IL1RAPL2: variants seen among roughly 807,000 people sequenced by gnomAD.
The protein encoded by IL1RAPL2 is interleukin 1 receptor accessory protein like 2.
Under a neutral mutation model 44.1 loss-of-function variants are expected in IL1RAPL2, and 3 were observed. That is an observed-to-expected ratio of 0.07 (90% CI 0.03 to 0.18). IL1RAPL2 has a LOEUF of 0.18. IL1RAPL2 is among the 10% of genes least tolerant of loss of function. The pLI is 1.00. For missense variants in IL1RAPL2, 391 were observed against 496.4 expected (o/e 0.79, Z 2.02); for synonymous variants, 181 against 178.8 (o/e 1.01, Z -0.10).
intron 2 of IL1RAPL2, among the ~76,000 whole-genome samples, chrX:105,058,107 C>T (rs1226700391): frequency 8.4e-5 from 9 of 106,632 alleles, no homozygotes; most frequent in Non-Finnish European, 1.7e-4. Context: ...TGCCACCACG[C>T]CCGGCTATTT....
intron 6 of IL1RAPL2, among the ~76,000 whole-genome samples, chrX:105,608,806 A>C (rs1415477843): frequency 8.9e-6 from 1 of 112,289 alleles, no homozygotes; most frequent in Non-Finnish European, 1.9e-5. Flanking sequence ...AAATAACTTT[A>C]AAGATAAATA....
At chrX:104,723,736 G>C (rs998710060) in intron 2 of IL1RAPL2, among the ~76,000 whole-genome samples, 2 of 110,761 alleles carry the variant, frequency 1.8e-5, no homozygotes, top group African/African-American at 6.6e-5. Flanking sequence ...CTTACAATTC[G>C]TTTGTGTTTG....
chrX:104,579,575 A>T (rs929065028), intron 1 of IL1RAPL2, among the ~76,000 whole-genome samples: 2 of 111,541 alleles, frequency 1.8e-5, no homozygotes, highest in Non-Finnish European at 3.8e-5. Context: ...GGACACAAAG[A>T]GGCGAGCAAC....
intron 2 of IL1RAPL2, among the ~76,000 whole-genome samples, chrX:104,876,014 G>A (rs1163461224): frequency 9.0e-6 from 1 of 110,801 alleles, no homozygotes; most frequent in East Asian, 2.8e-4. Context: ...ATGGATGGGT[G>A]GTAACAGTGC....
At position 104,708,816 on chromosome X, in the gene IL1RAPL2, G is replaced by A. The variant is rs181273599; in HGVS notation, c.82+49821G>A. 3.6e-3 allele frequency among the ~76,000 whole-genome samples: 396 copies of A among 110,695 alleles called. 1 individual carries two copies. Among genetic ancestry groups the A allele is most frequent in the African/African-American group, 0.012 (369 of 30,597 alleles). ...CAGCCTCAATTATCAACTCTATCTA[G>A]GGCAGATCTTTCAAATCCAAGTTAG... On this transcript the variant is annotated intron_variant, in intron 2 of 10. Coordinates refer to ENST00000372582, the MANE Select transcript of IL1RAPL2 (RefSeq NM_017416.2).
intron 8 of IL1RAPL2, among the ~76,000 whole-genome samples, chrX:105,747,515 T>C (rs1174331714): frequency 7.2e-5 from 4 of 55,884 alleles, no homozygotes; most frequent in African/African-American, 2.1e-4. Flanking sequence ...TGTGTGTGTG[T>C]GTATATATAT....
chrX:105,211,486 A>G lies in IL1RAPL2; in HGVS notation c.356+15738A>G, dbSNP rs965289068. 4.5e-5 allele frequency among the ~76,000 whole-genome samples: 5 copies of G among 111,295 alleles called. No individual in the cohort carries two copies. In the East Asian group the frequency reaches 1.1e-3, roughly 26 times the overall value. ...CCCAGGCCTGTTTTGATTGTTTGTCATGATATAACTCACTCAGATCATGAA... is the reference window on the plus strand; with the variant it reads ...CCCAGGCCTGTTTTGATTGTTTGTCGTGATATAACTCACTCAGATCATGAA... On this transcript the variant is annotated intron_variant, in intron 3 of 10. Transcript: ENST00000372582.
chrX:105,026,869 A>G (rs1291129616), intron 2 of IL1RAPL2, among the ~76,000 whole-genome samples: 3 of 54 alleles, frequency 0.056, no homozygotes, highest in Non-Finnish European at 0.054. Flanking sequence ...ACAAAAGACT[A>G]AGAATATCCC....
At chrX:105,411,697 T>C (rs1331761207) in intron 5 of IL1RAPL2, among the ~76,000 whole-genome samples, 1 of 111,683 alleles carries the variant, frequency 9.0e-6, no homozygotes, top group Non-Finnish European at 1.9e-5. Flanking sequence ...AAGGGAAAGA[T>C]AGACTGCAAA....
At chrX:105,514,152 G>A (rs1375057800) in intron 6 of IL1RAPL2, among the ~76,000 whole-genome samples, 1 of 111,344 alleles carries the variant, frequency 9.0e-6, no homozygotes, top group Non-Finnish European at 1.9e-5. Flanking sequence ...AGAAAAATTG[G>A]TGTCTGGCTA....
At chrX:104,780,830 G>A (rs1177446907) in intron 2 of IL1RAPL2, among the ~76,000 whole-genome samples, 1 of 111,080 alleles carries the variant, frequency 9.0e-6, no homozygotes, top group East Asian at 2.8e-4. Context: ...CTAATAATTT[G>A]CCATCCAAAT....
chrX:104,920,538 T>C (rs1240599539), intron 2 of IL1RAPL2, among the ~76,000 whole-genome samples: 4 of 98,005 alleles, frequency 4.1e-5, no homozygotes, highest in Non-Finnish European at 8.3e-5. Flanking sequence ...TCCCCTCCCC[T>C]CTCTTGCTCC....
intron 1 of IL1RAPL2, among the ~76,000 whole-genome samples, chrX:104,576,965 C>T (rs1365311684): frequency 8.9e-6 from 1 of 111,920 alleles, no homozygotes; most frequent in Non-Finnish European, 1.9e-5. Context: ...GCTTTCTTTC[C>T]CATCTGTTTC....
chrX:104,583,735 C>G (rs934251984), intron 1 of IL1RAPL2, among the ~76,000 whole-genome samples: 5 of 111,787 alleles, frequency 4.5e-5, no homozygotes, highest in African/African-American at 6.5e-5. Flanking sequence ...ATGCACATCA[C>G]TAAGCACTGA....
chrX:105,319,007 G>A (rs760352553), intron 5 of IL1RAPL2, among the ~76,000 whole-genome samples: 1 of 111,960 alleles, frequency 8.9e-6, no homozygotes, highest in South Asian at 3.7e-4. Flanking sequence ...TCCCCTAATG[G>A]GCCTGTGTTT....
intron 10 of IL1RAPL2, among the ~76,000 whole-genome samples, chrX:105,764,513 G>A (rs1211659587): frequency 2.7e-5 from 3 of 112,167 alleles, no homozygotes; most frequent in Non-Finnish European, 5.6e-5. Context: ...ATAGACTCAT[G>A]TATAGATATA....
chrX:104,689,984 T>A lies in IL1RAPL2; in HGVS notation c.82+30989T>A, dbSNP rs948082001. ...TGGTACATTTATTTATGAGAATAAATTTGCATTTGTGTGGCGCAATTGGTT... is the reference window on the plus strand; with the variant it reads ...TGGTACATTTATTTATGAGAATAAAATTGCATTTGTGTGGCGCAATTGGTT... On this transcript the variant is annotated intron_variant, in intron 2 of 10. Transcript: ENST00000372582. 2.7e-5 allele frequency among the ~76,000 whole-genome samples: 3 copies of A among 112,363 alleles called. No homozygotes were observed. The East Asian group carries it at 8.3e-4, about 31-fold the overall frequency.
intron 1 of IL1RAPL2, among the ~76,000 whole-genome samples, chrX:104,568,969 T>G (rs1928094292): frequency 8.9e-6 from 1 of 111,777 alleles, no homozygotes; most frequent in African/African-American, 3.3e-5. Flanking sequence ...CAGCCTGCAA[T>G]TACTGAGGTG....
intron 5 of IL1RAPL2, among the ~76,000 whole-genome samples, chrX:105,341,343 CT>C (rs370999980): frequency 0.13 from 14,004 of 104,504 alleles, 2,286 homozygotes; most frequent in African/African-American, 0.45. Context: ...CTTTTCTTTT[CT>C]TTTTTTTTTA....
Sources: gnomAD v4.1 joint callset for allele counts (sites outside exome capture counted in the v4.1 genomes callset) on GRCh38, gnomAD v4.1.1 for gene constraint, MANE v1.5 for transcripts, NCBI Gene and HGNC (gene_info 2026-07-23, HGNC 2026-07-21) for gene names.